Variants in IQCM observed in about 807,000 individuals in gnomAD.
IQCM encodes the protein IQ domain-containing protein M.
IQCM carries 45 observed loss-of-function variants against 57.6 expected under a neutral mutation model. The ratio of observed to expected loss-of-function variants is 0.78; its 90% CI spans 0.62 to 1.00. The LOEUF (loss-of-function observed/expected upper bound fraction) is 1.00, where lower values mean the gene tolerates loss of function less well. IQCM is among the 50% of genes least tolerant of loss of function. The probability of loss-of-function intolerance (pLI) is 0.00; values close to 1 mark genes in which losing one functional copy is unlikely to be tolerated. For missense variants in IQCM, 468 were observed against 511.6 expected (o/e 0.91, Z 0.82); for synonymous variants, 148 against 158.9 (o/e 0.93, Z 0.51).
Position 149,454,147 on chromosome 4 carries a change from G to GATATATATAT in IQCM, c.1229-20600_1229-20591dup, listed in dbSNP as rs34730850. On this transcript the variant is annotated intron_variant, in intron 12 of 13. Transcript: ENST00000636793. The stretch of plus-strand genomic sequence containing the variant: ...AAGGTAGACTGGATTAAGAAAATGT[G>GATATATATAT]ATATATATATATATATATATACACA... Among the ~76,000 whole-genome samples the GATATATATAT allele has an allele frequency of 2.2e-3, 278 of 127,306 alleles. 1 individual carries two copies. Among genetic ancestry groups the GATATATATAT allele is most frequent in the Middle Eastern group, 4.2e-3 (1 of 236 alleles). 83.5% of individuals were successfully genotyped at this position (127,306 alleles called of 152,430 possible).
chr4:149,554,188 G>A (rs1193986243), intron 10 of IQCM, among the ~76,000 whole-genome samples: 1 of 151,948 alleles, frequency 6.6e-6, no homozygotes, highest in Non-Finnish European at 1.5e-5. Flanking sequence ...TTTGCATACC[G>A]TATTATAAAT....
intron 13 of IQCM, among the ~76,000 whole-genome samples, chr4:149,405,905 T>C (rs1182295884): frequency 1.4e-5 from 2 of 147,714 alleles, no homozygotes; most frequent in Non-Finnish European, 3.0e-5. Context: ...TATATATATA[T>C]ATATTTATCT....
At chr4:149,601,752 A>G (rs1055703250) in intron 8 of IQCM, among the ~76,000 whole-genome samples, 1 of 152,134 alleles carries the variant, frequency 6.6e-6, no homozygotes, top group African/African-American at 2.4e-5. Flanking sequence ...TTCAACCAAC[A>G]TTGGATTAGA....
At chr4:149,772,464 T>C (rs1324284460) in intron 2 of IQCM, among the ~76,000 whole-genome samples, 1 of 152,196 alleles carries the variant, frequency 6.6e-6, no homozygotes, top group East Asian at 1.9e-4. Context: ...TGGTTATGGA[T>C]AATTATTATG....
At chr4:149,810,990 G>A (rs1774518009) in intron 2 of IQCM, among the ~76,000 whole-genome samples, 2 of 152,170 alleles carry the variant, frequency 1.3e-5, no homozygotes, top group Non-Finnish European at 1.5e-5. Context: ...GTTTCCCATT[G>A]GTGTGATTAA....
chr4:149,528,400 A>AT (rs1560953550), intron 12 of IQCM, among the ~76,000 whole-genome samples: 2 of 95,582 alleles, frequency 2.1e-5, no homozygotes, highest in Non-Finnish European at 5.8e-5. Context: ...CTTTGAGTTA[A>AT]GGCATTAAAA....
intron 12 of IQCM, among the ~76,000 whole-genome samples, chr4:149,520,880 A>G (rs1745570672): frequency 6.6e-6 from 1 of 151,476 alleles, no homozygotes; most frequent in Admixed American, 6.6e-5. Flanking sequence ...TTCCTATCTC[A>G]TATGCCCAAT....
intron 13 of IQCM, among the ~76,000 whole-genome samples, chr4:149,408,719 A>C (rs963556853): frequency 1.3e-5 from 2 of 152,148 alleles, no homozygotes; most frequent in Non-Finnish European, 2.9e-5. Context: ...AAAGGTAAAA[A>C]AAATTATCAT....
At position 149,643,925 on chromosome 4, in the gene IQCM, G is replaced by T. The variant is rs151122083; in HGVS notation, c.566-22681C>A. 3.5e-4 allele frequency among the ~76,000 whole-genome samples: 53 copies of T among 152,220 alleles called. No individual in the cohort carries two copies. In the East Asian group the frequency reaches 9.7e-3, roughly 28 times the overall value. On this transcript the variant is annotated intron_variant, in intron 7 of 13. Coordinates refer to ENST00000636793, the MANE Select transcript of IQCM (RefSeq NM_001363507.2). ...TGATCATAATTTTATATTAACTGAT[G>T]AAATATCAAGGCCTTACTCTTCACA...
At chr4:149,413,109 G>A (rs1410224885) in intron 13 of IQCM, among the ~76,000 whole-genome samples, 7 of 152,146 alleles carry the variant, frequency 4.6e-5, no homozygotes, top group Non-Finnish European at 8.8e-5. Flanking sequence ...CACATTAAAA[G>A]TACAAATTTC....
intron 12 of IQCM, among the ~76,000 whole-genome samples, chr4:149,459,545 T>C (rs897081721): frequency 2.6e-5 from 4 of 152,156 alleles, no homozygotes; most frequent in African/African-American, 9.7e-5. Context: ...CCACCATCTA[T>C]CTCCAGAATT....
chr4:149,404,252 T>C (rs954207828), intron 13 of IQCM, among the ~76,000 whole-genome samples: 2 of 152,048 alleles, frequency 1.3e-5, no homozygotes, highest in African/African-American at 4.8e-5. Context: ...CTGCCACGCC[T>C]TTATCAGACA....
chr4:149,493,606 C>T (rs932846724), intron 12 of IQCM, among the ~76,000 whole-genome samples: 2 of 151,992 alleles, frequency 1.3e-5, no homozygotes, highest in African/African-American at 4.8e-5. Context: ...TGTGACTTGC[C>T]TGTCTTTCTA....
intron 12 of IQCM, among the ~76,000 whole-genome samples, chr4:149,461,327 A>G (rs911203786): frequency 3.3e-5 from 5 of 152,148 alleles, no homozygotes; most frequent in African/African-American, 9.7e-5. Context: ...TGGTAAGGTA[A>G]CATCTAATGA....
chr4:149,533,850 A>G (rs1368410562), intron 12 of IQCM, among the ~76,000 whole-genome samples: 1 of 152,104 alleles, frequency 6.6e-6, no homozygotes, highest in Non-Finnish European at 1.5e-5. Flanking sequence ...ACACAGCCAA[A>G]CCACAACACT....
chr4:149,762,140 T>TC (rs1448740708), intron 2 of IQCM, among the ~76,000 whole-genome samples: 1 of 151,674 alleles, frequency 6.6e-6, no homozygotes, highest in Non-Finnish European at 1.5e-5. Flanking sequence ...ACACAAGAGG[T>TC]CATAATTTTT....
intron 12 of IQCM, among the ~76,000 whole-genome samples, chr4:149,475,151 C>A (rs1380818836): frequency 6.6e-6 from 1 of 152,126 alleles, no homozygotes; most frequent in African/African-American, 2.4e-5. Context: ...GATGCTATTG[C>A]AGTAATCCAG....
At chr4:149,654,899 T>G (rs1759507835) in intron 7 of IQCM, among the ~76,000 whole-genome samples, 1 of 152,212 alleles carries the variant, frequency 6.6e-6, no homozygotes, top group African/African-American at 2.4e-5. Context: ...ATTTTTTATA[T>G]TGATTGCCTA....
intron 7 of IQCM, among the ~76,000 whole-genome samples, chr4:149,640,955 C>T (rs745776098): frequency 2.0e-5 from 3 of 152,074 alleles, no homozygotes; most frequent in Non-Finnish European, 4.4e-5. Context: ...CATGGTAAAA[C>T]CCTGTCCACA....
Sources: allele counts gnomAD v4.1 joint callset (sites outside exome capture counted in the v4.1 genomes callset), GRCh38; gene constraint gnomAD v4.1.1; transcripts MANE v1.5; gene names NCBI Gene and HGNC (gene_info 2026-07-23, HGNC 2026-07-21).